Variants in WBP2NL observed in about 807,000 individuals in gnomAD.
WBP2NL encodes postacrosomal sheath WW domain-binding protein.
A neutral mutation model predicts 23.3 loss-of-function variants in WBP2NL; 27 were observed. That is an observed-to-expected ratio of 1.16 (90% CI 0.85 to 1.60). The LOEUF is 1.60. WBP2NL is among the 40% of genes most tolerant of loss of function. WBP2NL has a pLI of 0.00. For missense variants in WBP2NL, 370 were observed against 389.5 expected (o/e 0.95, Z 0.42); for synonymous variants, 151 against 145.9 (o/e 1.03, Z -0.25).
downstream of WBP2NL, among the ~76,000 whole-genome samples, chr22:42,028,900 C>T (rs1420622859): frequency 6.6e-6 from 1 of 152,230 alleles, no homozygotes; most frequent in African/African-American, 2.4e-5. Flanking sequence ...TGTCTTGCAT[C>T]TTCGACTCCT....
At chr22:42,001,677 T>C (rs186264082) in intron 1 of WBP2NL, 1 of 1,208,518 alleles carries the variant, frequency 8.3e-7, no homozygotes, top group Non-Finnish European at 1.2e-6. Flanking sequence ...TCCAGGAAGA[T>C]CTGCTTGTAT....
At chr22:41,999,156 G>A (rs1284136036) in intron 1 of WBP2NL, among the ~76,000 whole-genome samples, 3 of 151,932 alleles carry the variant, frequency 2.0e-5, no homozygotes, top group Admixed American at 6.5e-5. Context: ...TCTCCTCAGG[G>A]CGGGGCGGGG....
chr22:42,054,881 T>C (rs78066118), intron 8 of WBP2NL, among the ~76,000 whole-genome samples: 3,611 of 152,138 alleles, frequency 0.024, 139 homozygotes, highest in African/African-American at 0.083. Context: ...GAGTGAGACC[T>C]GGTGTCTAAA....
intron 8 of WBP2NL, among the ~76,000 whole-genome samples, chr22:42,057,425 T>G (rs1028827382): frequency 2.0e-5 from 3 of 152,154 alleles, no homozygotes; most frequent in African/African-American, 7.2e-5. Flanking sequence ...GGCATCATTC[T>G]TATTCTTTCC....
intron 8 of WBP2NL, among the ~76,000 whole-genome samples, chr22:42,046,470 G>T (rs374774928): frequency 6.6e-6 from 1 of 152,068 alleles, no homozygotes; most frequent in Non-Finnish European, 1.5e-5. Context: ...AATTTTTCTA[G>T]GATTGTCTTT....
chr22:42,057,869 G>GTGTA (rs1926112302), intron 8 of WBP2NL, among the ~76,000 whole-genome samples: 20 of 32,550 alleles, frequency 6.1e-4, no homozygotes, highest in South Asian at 1.6e-3. Context: ...GTGTGTGTAT[G>GTGTA]TATATATATA....
chr22:42,043,016 G>GAAAAA (rs59812729), intron 8 of WBP2NL, among the ~76,000 whole-genome samples: 10 of 55,284 alleles, frequency 1.8e-4, no homozygotes, highest in South Asian at 7.6e-4. Flanking sequence ...AGTGAGCCAA[G>GAAAAA]AAAAAAAAAA....
chr22:42,041,895 G>C (rs73418982), intron 8 of WBP2NL, among the ~76,000 whole-genome samples: 7,722 of 152,162 alleles, frequency 0.051, 683 homozygotes, highest in African/African-American at 0.18. Context: ...CTCAGTTTTT[G>C]TTTATGTGGG....
chr22:42,037,820 G>A (rs1356174815), downstream of WBP2NL, among the ~76,000 whole-genome samples: 1 of 146,158 alleles, frequency 6.8e-6, no homozygotes, highest in South Asian at 2.2e-4. Flanking sequence ...AGTTTCGGGG[G>A]GAGGTGCGGG....
intron 1 of WBP2NL, among the ~76,000 whole-genome samples, chr22:42,013,640 G>A (rs974720293): frequency 6.6e-5 from 10 of 152,004 alleles, no homozygotes; most frequent in Admixed American, 6.6e-4. Context: ...TTGAGATAGG[G>A]TCTCTATCAC....
chr22:42,017,617 C>G (rs1183843587), intron 1 of WBP2NL, among the ~76,000 whole-genome samples: 1 of 152,140 alleles, frequency 6.6e-6, no homozygotes, highest in Non-Finnish European at 1.5e-5. Context: ...CTTTTAATAA[C>G]TATTTAGAGC....
chr22:42,020,868 G>GTATATGTATATGTA (rs1483881577), intron 4 of WBP2NL, among the ~76,000 whole-genome samples: 52 of 15,230 alleles, frequency 3.4e-3, no homozygotes, highest in Non-Finnish European at 4.7e-3. Context: ...GTGTGTGTGT[G>GTATATGTATATGTA]TATATATATA....
chr22:42,019,573 C>G (rs1003328854), intron 2 of WBP2NL, 89 bp from the exon 3 acceptor site: 19 of 1,565,662 alleles, frequency 1.2e-5, no homozygotes, highest in Non-Finnish European at 1.7e-5. Flanking sequence ...TGATGTTTCT[C>G]AGTTAGACCA....
In WBP2NL at chr22:42,019,736, C is replaced by T; in HGVS notation, c.246C>T (p.Asn82=). 6.2e-7 allele frequency: 1 copy of T among 1,614,182 alleles called. No homozygotes were observed. The highest frequency in any genetic ancestry group is 8.5e-7 in the Non-Finnish European group (1 of 1,180,028). The stretch of plus-strand genomic sequence containing the variant: ...TGATGCCATTTGATCTGATGACGAA[C>T]CTCACTGTTGAACAACCAGTATTTG... The part of the protein sequence containing the change: ...SFMMPFDLMT[N]LTVEQPVFAA... The change falls in exon 3 of 6, where the codon AAC becomes AAT. Residue 82 remains asparagine (N), a synonymous_variant. Transcript: ENST00000328823.
chr22:42,009,487 C>T (rs1041826165), intron 1 of WBP2NL, among the ~76,000 whole-genome samples: 2 of 152,034 alleles, frequency 1.3e-5, no homozygotes, highest in South Asian at 2.1e-4. Context: ...TTAATTTTTG[C>T]ATACTATGTA....
intron 8 of WBP2NL, among the ~76,000 whole-genome samples, chr22:42,044,219 C>G (rs1467267185): frequency 2.0e-5 from 3 of 152,068 alleles, no homozygotes; most frequent in Non-Finnish European, 1.5e-5. Context: ...GCCACTATGT[C>G]TGGCTAATTT....
chr22:42,015,682 G>A (rs897924190), intron 1 of WBP2NL, among the ~76,000 whole-genome samples: 5 of 152,092 alleles, frequency 3.3e-5, no homozygotes, highest in Admixed American at 6.5e-5. Flanking sequence ...GATTACAGGC[G>A]TGAGCCACCG....
chr22:42,037,883 T>G (rs147771475), downstream of WBP2NL, among the ~76,000 whole-genome samples: 221 of 122,894 alleles, frequency 1.8e-3, 2 homozygotes, highest in East Asian at 0.043. Context: ...GTGTGTGTGT[T>G]TGTAGTCTTT....
intron 1 of WBP2NL, chr22:42,001,357 G>A (rs972923116): frequency 8.6e-6 from 6 of 699,746 alleles, no homozygotes; most frequent in African/African-American, 3.5e-5. Flanking sequence ...CTTGGGATCC[G>A]GAAGCATTCC....
Sources: allele counts gnomAD v4.1 joint callset (sites outside exome capture counted in the v4.1 genomes callset), GRCh38; gene constraint gnomAD v4.1.1; transcripts MANE v1.5; gene names NCBI Gene and HGNC (gene_info 2026-07-23, HGNC 2026-07-21).